Variants in LRRTM4 observed in about 807,000 individuals in gnomAD.
LRRTM4 encodes the protein leucine-rich repeat transmembrane neuronal protein 4.
LRRTM4 carries 25 observed loss-of-function variants against 47.6 expected under a neutral mutation model. The ratio of observed to expected loss-of-function variants is 0.53; its 90% CI spans 0.38 to 0.73. The LOEUF (loss-of-function observed/expected upper bound fraction) is 0.73. Among genes scored for constraint, LRRTM4 ranks in the 30% least tolerant of loss-of-function variants. The pLI is 0.00. For missense variants in LRRTM4, 638 were observed against 713.4 expected (o/e 0.89, Z 1.20); for synonymous variants, 311 against 269.5 (o/e 1.15, Z -1.51).
chr2:76,938,508 A>C (rs1424887414), intron 3 of LRRTM4, among the ~76,000 whole-genome samples: 1 of 152,124 alleles, frequency 6.6e-6, no homozygotes, highest in Non-Finnish European at 1.5e-5. Flanking sequence ...GTTTGTAGTT[A>C]TGTTTTGGGA....
In LRRTM4 at chr2:77,050,950, T is replaced by C. The variant is rs568297320; in HGVS notation, c.1552-302034A>G. On this transcript the variant is annotated intron_variant, in intron 3 of 3. Transcript: ENST00000409884. ...AAGTAATCATGACAATGTCTTATAT[T>C]CTCAGATGATTTTAAAAAAGGGTAA... 3.2e-4 allele frequency among the ~76,000 whole-genome samples: 49 copies of C among 152,258 alleles called. 1 individual carries two copies. The highest frequency in any genetic ancestry group is 5.1e-4 in the Non-Finnish European group (35 of 68,020).
intron 3 of LRRTM4, among the ~76,000 whole-genome samples, chr2:76,948,378 CT>C (rs1478260105): frequency 6.6e-6 from 1 of 151,714 alleles, no homozygotes; most frequent in Non-Finnish European, 1.5e-5. Flanking sequence ...AATGTCTTGC[CT>C]TTTAGTGTTT....
At chr2:76,790,492 T>TA (rs1338191438) in intron 3 of LRRTM4, among the ~76,000 whole-genome samples, 1 of 152,182 alleles carries the variant, frequency 6.6e-6, no homozygotes, top group African/African-American at 2.4e-5. Flanking sequence ...TCTTCCTCTT[T>TA]AAAATGAGGA....
Position 77,436,891 on chromosome 2 carries a change from A to G in LRRTM4, c.1551+81427T>C, listed in dbSNP as rs563849571. ...TAAGTAGATAGATTTAATATAACCC[A>G]CAGTCCATTCTGAGTACATCTATAA... On this transcript the variant is annotated intron_variant, in intron 3 of 3. Transcript: ENST00000409884. Among the ~76,000 whole-genome samples, 8 of 152,066 alleles carry G rather than the reference A, an allele frequency of 5.3e-5. No individual in the cohort carries two copies. The East Asian group carries it at 1.5e-3, about 29-fold the overall frequency.
intron 3 of LRRTM4, among the ~76,000 whole-genome samples, chr2:77,468,028 T>G (rs1573454592): frequency 6.6e-6 from 1 of 152,310 alleles, no homozygotes; most frequent in East Asian, 1.9e-4. Flanking sequence ...TTATTTATTT[T>G]TGTATTTTTT....
chr2:77,481,868 G>GC (rs930044133), intron 3 of LRRTM4, among the ~76,000 whole-genome samples: 6 of 125,840 alleles, frequency 4.8e-5, no homozygotes, highest in Non-Finnish European at 1.0e-4. Flanking sequence ...AGAGTGAAGG[G>GC]TTTTTTTTTT....
chr2:76,875,588 GA>G (rs1672755054), intron 3 of LRRTM4, among the ~76,000 whole-genome samples: 1 of 152,060 alleles, frequency 6.6e-6, no homozygotes, highest in African/African-American at 2.4e-5. Context: ...GGATATAAGG[GA>G]ATAGCAAGTT....
intron 3 of LRRTM4, among the ~76,000 whole-genome samples, chr2:77,422,095 A>C (rs142430582): frequency 1.2e-3 from 183 of 152,322 alleles, no homozygotes; most frequent in African/African-American, 4.1e-3. Context: ...ATCTAGGTTT[A>C]CTTAAGCATA....
rs151185855 is a variant in LRRTM4, at chr2:77,015,938, G to A, written c.1552-267022C>T. On this transcript the variant is annotated intron_variant, in intron 3 of 3. Transcript: ENST00000409884. ...TCGAGACCAGCCTGGCCAACATAGC[G>A]AAACCCTGTCTCTACTAAATAATCT... Among the ~76,000 whole-genome samples, 400 of 152,018 alleles carry A rather than the reference G, an allele frequency of 2.6e-3. 5 individuals carry two copies. Among genetic ancestry groups the A allele is most frequent in the African/African-American group, 8.0e-3 (332 of 41,486 alleles).
intron 3 of LRRTM4, among the ~76,000 whole-genome samples, chr2:76,780,343 T>C (rs993887623): frequency 5.9e-5 from 9 of 152,212 alleles, no homozygotes; most frequent in African/African-American, 2.2e-4. Flanking sequence ...CTGGATAATC[T>C]CCTGCAGAGT....
intron 3 of LRRTM4, among the ~76,000 whole-genome samples, chr2:77,514,979 C>T (rs1573515569): frequency 6.6e-6 from 1 of 151,784 alleles, no homozygotes; most frequent in Non-Finnish European, 1.5e-5. Flanking sequence ...TAAATATTTG[C>T]ATTTCCTGTC....
At chr2:77,059,481 G>C (rs184040151) in intron 3 of LRRTM4, among the ~76,000 whole-genome samples, 15 of 152,208 alleles carry the variant, frequency 9.9e-5, no homozygotes, top group African/African-American at 3.6e-4. Flanking sequence ...AGCTCGTTGA[G>C]TGTGGTGCCA....
chr2:76,881,877 T>G (rs1672940501), intron 3 of LRRTM4, among the ~76,000 whole-genome samples: 1 of 152,198 alleles, frequency 6.6e-6, no homozygotes, highest in Non-Finnish European at 1.5e-5. Flanking sequence ...GAATTCTAAT[T>G]GTAAATGGTT....
chr2:77,227,239 C>G (rs1674839977), intron 3 of LRRTM4, among the ~76,000 whole-genome samples: 3 of 151,998 alleles, frequency 2.0e-5, no homozygotes, highest in African/African-American at 4.8e-5. Context: ...GAAAATAACA[C>G]TTTTATGAAT....
At chr2:77,114,238 G>T (rs1408701331) in intron 3 of LRRTM4, among the ~76,000 whole-genome samples, 1 of 152,130 alleles carries the variant, frequency 6.6e-6, no homozygotes, top group Non-Finnish European at 1.5e-5. Context: ...GTAGGGACCA[G>T]TTCCTGGAAT....
At chr2:77,027,768 G>A (rs1678504911) in intron 3 of LRRTM4, among the ~76,000 whole-genome samples, 3 of 152,066 alleles carry the variant, frequency 2.0e-5, no homozygotes, top group Middle Eastern at 6.8e-3. Context: ...CAAGACATTT[G>A]AATTACAATG....
intron 3 of LRRTM4, among the ~76,000 whole-genome samples, chr2:77,272,987 T>C (rs549774301): frequency 2.0e-5 from 3 of 152,294 alleles, no homozygotes; most frequent in African/African-American, 7.2e-5. Context: ...TATTTTAGAG[T>C]ACAAAGAAAT....
At chr2:77,409,843 T>A (rs1215695039) in intron 3 of LRRTM4, among the ~76,000 whole-genome samples, 1 of 152,204 alleles carries the variant, frequency 6.6e-6, no homozygotes, top group South Asian at 2.1e-4. Flanking sequence ...TGCAACCTTC[T>A]CGTGAAGCTC....
At chr2:77,011,354 G>A (rs551230235) in intron 3 of LRRTM4, among the ~76,000 whole-genome samples, 23 of 152,094 alleles carry the variant, frequency 1.5e-4, no homozygotes, top group Admixed American at 4.6e-4. Context: ...AGCTACATGC[G>A]TGAGTGGCTA....
Sources: gnomAD v4.1 joint callset for allele counts (sites outside exome capture counted in the v4.1 genomes callset) on GRCh38, gnomAD v4.1.1 for gene constraint, MANE v1.5 for transcripts, NCBI Gene and HGNC (gene_info 2026-07-23, HGNC 2026-07-21) for gene names.